The following CCNYL1 variants were observed in gnomAD, a reference collection of about 807,000 sequenced individuals.
The protein encoded by CCNYL1 is cyclin-Y-like protein 1.
CCNYL1 carries 16 observed loss-of-function variants against 44.2 expected under a neutral mutation model. That is an observed-to-expected ratio of 0.36 (90% CI 0.25 to 0.55). CCNYL1 has a LOEUF of 0.55. Ranked by LOEUF, CCNYL1 falls within the 20% of genes least tolerant of loss-of-function variation. The pLI, the probability that CCNYL1 is intolerant of heterozygous loss-of-function variation, is 0.85. For missense variants in CCNYL1, 348 were observed against 451.8 expected (o/e 0.77, Z 2.08); for synonymous variants, 159 against 163.2 (o/e 0.97, Z 0.20).
chr2:207,734,611 T>G (rs1559169103), intron 4 of CCNYL1, among the ~76,000 whole-genome samples: 1 of 152,236 alleles, frequency 6.6e-6, no homozygotes, highest in Admixed American at 6.5e-5. Flanking sequence ...CCATTGGGGT[T>G]GTCAGGAAAC....
At chr2:207,729,535 T>C (rs1165062272) in intron 3 of CCNYL1, among the ~76,000 whole-genome samples, 4 of 152,160 alleles carry the variant, frequency 2.6e-5, no homozygotes, top group African/African-American at 9.7e-5. Flanking sequence ...GCAGGACTTT[T>C]GTTAACTGAT....
chr2:207,719,074 A>G (rs1011158818), intron 1 of CCNYL1, among the ~76,000 whole-genome samples: 1 of 152,120 alleles, frequency 6.6e-6, no homozygotes, highest in African/African-American at 2.4e-5. Flanking sequence ...ACAGTAATGT[A>G]TGAAATAATA....
At chr2:207,734,090 T>G in intron 4 of CCNYL1, 43 bp downstream of exon 4, 1 of 1,267,530 alleles carries the variant, frequency 7.9e-7, no homozygotes, top group South Asian at 1.2e-5. Flanking sequence ...ACAGACCCCC[T>G]TATGCTAAAA....
intron 1 of CCNYL1, among the ~76,000 whole-genome samples, chr2:207,718,432 C>T (rs1457292996): frequency 6.6e-6 from 1 of 151,658 alleles, no homozygotes; most frequent in East Asian, 1.9e-4. Flanking sequence ...CTCCTGAGCC[C>T]AGGAAGTCAA....
In CCNYL1 at chr2:207,751,138, T is replaced by G. The variant is rs200363168; in HGVS notation, c.969+19T>G. 3.8e-5 allele frequency: 60 copies of G among 1,599,080 alleles called. No homozygotes were observed. In the East Asian group the frequency reaches 1.3e-3, roughly 36 times the overall value. On this transcript the variant is annotated intron_variant, in intron 9 of 9. Coordinates refer to ENST00000295414, the MANE Select transcript of CCNYL1 (RefSeq NM_001330218.2). ...CCTAGAGGTAAGGCTATGAAGTCAC[T>G]AAGTGAGGTTTTCCATCAGCCACCA...
At chr2:207,720,876 A>G (rs1391870353) in intron 1 of CCNYL1, among the ~76,000 whole-genome samples, 1 of 152,206 alleles carries the variant, frequency 6.6e-6, no homozygotes, top group Non-Finnish European at 1.5e-5. Context: ...GAACACTGAC[A>G]TAGAAGGAGG....
chr2:207,750,917 A>T (rs775982749), intron 8 of CCNYL1, 40 bp from the exon 9 acceptor site: 52 of 1,585,790 alleles, frequency 3.3e-5, no homozygotes, highest in Non-Finnish European at 4.2e-5. Flanking sequence ...GTTGACTGAC[A>T]TTGTCCTGTG....
chr2:207,748,136 C>G (rs1053812886), intron 8 of CCNYL1, among the ~76,000 whole-genome samples: 2 of 152,136 alleles, frequency 1.3e-5, no homozygotes, highest in Admixed American at 6.5e-5. Flanking sequence ...TTTACAGAAG[C>G]CTTGAGATAT....
At chr2:207,730,486 G>A (rs1024465694) in intron 3 of CCNYL1, among the ~76,000 whole-genome samples, 6 of 152,124 alleles carry the variant, frequency 3.9e-5, no homozygotes, top group East Asian at 1.9e-4. Flanking sequence ...GGCCGGGTGC[G>A]GTGGCTCACG....
chr2:207,750,767 G>A (rs2091885420), intron 8 of CCNYL1, 190 bp from the exon 9 acceptor site: 1 of 524,500 alleles, frequency 1.9e-6, no homozygotes, highest in Non-Finnish European at 3.3e-6. Context: ...CAGTTCCAGA[G>A]TGCTGGGATG....
intron 4 of CCNYL1, among the ~76,000 whole-genome samples, chr2:207,735,795 C>T (rs773844846): frequency 2.6e-5 from 4 of 151,778 alleles, no homozygotes; most frequent in Non-Finnish European, 4.4e-5. Flanking sequence ...ATCCGGGAAG[C>T]GGAGGTTGCA....
Position 207,742,258 on chromosome 2 carries a change from T to A in CCNYL1, c.555T>A (p.Asp185Glu). ...EKVPEEYFKH[D>E]PEHKFIYRFV... ...TTCCAGAGGAATACTTTAAGCATGA[T>A]CCTGAGCACAAATTTATTTACAGAT... Residue 185 changes from aspartate to glutamate, a missense_variant, in exon 7 of 10, where the codon GAT becomes GAA. This residue lies in a region of CCNYL1 where 209 missense variants were observed against 247.7 expected (regional missense o/e 0.84). Transcript: ENST00000295414. The A allele has an allele frequency of 1.2e-6, 2 of 1,612,790 alleles. No homozygotes were observed. The highest frequency in any genetic ancestry group is 1.7e-6 in the Non-Finnish European group (2 of 1,179,814).
intron 3 of CCNYL1, among the ~76,000 whole-genome samples, chr2:207,732,291 G>T (rs1195632468): frequency 1.3e-5 from 2 of 152,180 alleles, no homozygotes; most frequent in Non-Finnish European, 2.9e-5. Context: ...ACATTTCTAG[G>T]TTGAAGGAGA....
chr2:207,740,522 G>A, intron 5 of CCNYL1, 133 bp from the exon 6 acceptor site: 1 of 676,880 alleles, frequency 1.5e-6, no homozygotes, highest in Non-Finnish European at 2.6e-6. Context: ...AGAAGAATTT[G>A]TACAACTCTT....
At chr2:207,738,736 T>G (rs1440645883) in intron 5 of CCNYL1, among the ~76,000 whole-genome samples, 1 of 152,148 alleles carries the variant, frequency 6.6e-6, no homozygotes, top group Non-Finnish European at 1.5e-5. Context: ...TTTCTTTTTT[T>G]TGAGACAGAG....
intron 4 of CCNYL1, among the ~76,000 whole-genome samples, chr2:207,734,611 T>A (rs1559169103): frequency 6.6e-6 from 1 of 152,236 alleles, no homozygotes; most frequent in Non-Finnish European, 1.5e-5. Flanking sequence ...CCATTGGGGT[T>A]GTCAGGAAAC....
intron 7 of CCNYL1, among the ~76,000 whole-genome samples, chr2:207,746,300 A>G (rs1485628127): frequency 6.6e-6 from 1 of 152,228 alleles, no homozygotes; most frequent in East Asian, 1.9e-4. Flanking sequence ...GTTACTGTGA[A>G]AAGGAGAAGG....
At chr2:207,736,350 T>C (rs1257529610) in intron 4 of CCNYL1, among the ~76,000 whole-genome samples, 1 of 152,214 alleles carries the variant, frequency 6.6e-6, no homozygotes, top group African/African-American at 2.4e-5. Flanking sequence ...TGAGGGCAAA[T>C]GGAAGCATAT....
At chr2:207,728,253 C>T (rs953353310) in intron 3 of CCNYL1, among the ~76,000 whole-genome samples, 9 of 150,726 alleles carry the variant, frequency 6.0e-5, no homozygotes, top group African/African-American at 2.0e-4. Flanking sequence ...TGAGCCACTG[C>T]ACCTGGCCTT....
Sources: gnomAD v4.1 joint callset for allele counts (sites outside exome capture counted in the v4.1 genomes callset) on GRCh38, gnomAD v4.1.1 for gene constraint, gnomAD v4.1.1 regional missense constraint, MANE v1.5 for transcripts, NCBI Gene and HGNC (gene_info 2026-07-23, HGNC 2026-07-21) for gene names.